SNX24: variants seen among roughly 807,000 people sequenced by gnomAD.
The protein encoded by SNX24 is sorting nexin-24.
In SNX24, 22 loss-of-function variants were observed where a neutral mutation model predicts 28.7. The ratio of observed to expected loss-of-function variants is 0.77; its 90% CI spans 0.55 to 1.10. The LOEUF is 1.10. Ranked by LOEUF, SNX24 falls within the 50% of genes least tolerant of loss-of-function variation. The probability of loss-of-function intolerance (pLI) is 0.00; values close to 1 mark genes in which losing one functional copy is unlikely to be tolerated. For synonymous variants in SNX24, 69 were observed against 71.5 expected (o/e 0.96, Z 0.18); for missense variants, 221 against 201.1 (o/e 1.10, Z -0.60).
At chr5:122,871,614 C>A (rs975836100) in intron 1 of SNX24, among the ~76,000 whole-genome samples, 4 of 151,972 alleles carry the variant, frequency 2.6e-5, no homozygotes, top group African/African-American at 9.7e-5. Flanking sequence ...ACTAAAAATA[C>A]AAAAAATTAG....
chr5:123,006,163 C>G lies in SNX24; in HGVS notation c.443-1519C>G, dbSNP rs1268526232. On this transcript the variant is annotated intron_variant, in intron 6 of 6. Coordinates refer to ENST00000261369, the MANE Select transcript of SNX24 (RefSeq NM_014035.4). The stretch of plus-strand genomic sequence containing the variant: ...CTCAATAAATATATGTTGAGGTAAA[C>G]TTGTCACCACATTCTATCACTTACT... Among the ~76,000 whole-genome samples the G allele has an allele frequency of 2.0e-5, 3 of 152,272 alleles. No homozygotes were observed. The East Asian group carries it at 5.8e-4, about 29-fold the overall frequency.
chr5:122,919,090 G>A (rs1041902778), intron 1 of SNX24, among the ~76,000 whole-genome samples: 12 of 152,114 alleles, frequency 7.9e-5, no homozygotes, highest in African/African-American at 1.2e-4. Context: ...AAGCTGTATC[G>A]AAAATTAGAA....
At chr5:122,885,246 G>T (rs1049783165) in intron 1 of SNX24, among the ~76,000 whole-genome samples, 5 of 152,048 alleles carry the variant, frequency 3.3e-5, no homozygotes, top group Non-Finnish European at 5.9e-5. Flanking sequence ...CTTCCTGCTT[G>T]CCTCCCTGCC....
rs556003196 is a variant in SNX24 at position 122,991,717 on chromosome 5, TC to T, written c.250-8192del. 1.4e-3 allele frequency among the ~76,000 whole-genome samples: 212 copies of T among 152,348 alleles called. 3 individuals are homozygous for T. Among genetic ancestry groups the T allele is most frequent in the Non-Finnish European group, 1.5e-3 (105 of 68,030 alleles). ...CTCAAGTGATCCACCCGCCTTGGCC[TC>T]CCAAAGTTCTGGGATTATAGGTGTG... On this transcript the variant is annotated intron_variant, in intron 3 of 6. Coordinates refer to ENST00000261369, the MANE Select transcript of SNX24 (RefSeq NM_014035.4).
intron 5 of SNX24, chr5:123,023,551 C>T: frequency 5.8e-6 from 1 of 173,194 alleles, no homozygotes; most frequent in Admixed American, 6.1e-5. Flanking sequence ...TCAGCATTAC[C>T]CAATATGGGG....
exon 6 of SNX24, chr5:123,029,301 A>C: frequency 6.2e-7 from 1 of 1,614,150 alleles, no homozygotes; most frequent in South Asian, 1.1e-5. Context: ...AAATTGAGAC[A>C]TACCTCTCCT....
chr5:122,880,772 G>A (rs1346920538), intron 1 of SNX24, among the ~76,000 whole-genome samples: 1 of 152,180 alleles, frequency 6.6e-6, no homozygotes, highest in Non-Finnish European at 1.5e-5. Context: ...ATTATTTGTA[G>A]CTTGTCAAGT....
chr5:122,986,328 G>A (rs751098393), intron 3 of SNX24, among the ~76,000 whole-genome samples: 1 of 152,202 alleles, frequency 6.6e-6, no homozygotes, highest in Non-Finnish European at 1.5e-5. Flanking sequence ...CACCTCATCA[G>A]CCTTAAGGTT....
intron 2 of SNX24, among the ~76,000 whole-genome samples, chr5:122,938,249 TTTC>T (rs1759267211): frequency 6.6e-6 from 1 of 152,136 alleles, no homozygotes; most frequent in African/African-American, 2.4e-5. Context: ...TAGAGTTTAT[TTTC>T]TTCTGCAGAG....
intron 6 of SNX24, among the ~76,000 whole-genome samples, chr5:123,003,396 A>G (rs185025639): frequency 6.6e-6 from 1 of 152,362 alleles, no homozygotes; most frequent in East Asian, 1.9e-4. Context: ...AGTTGATGTC[A>G]TGTTAAAATA....
chr5:122,982,731 G>C (rs1217844028), intron 3 of SNX24, among the ~76,000 whole-genome samples: 1 of 152,208 alleles, frequency 6.6e-6, no homozygotes, highest in African/African-American at 2.4e-5. Context: ...GGAGGGGTTT[G>C]CTTTGCTTTG....
At chr5:122,978,099 C>G (rs1761242463) in intron 3 of SNX24, among the ~76,000 whole-genome samples, 1 of 152,136 alleles carries the variant, frequency 6.6e-6, no homozygotes, top group East Asian at 1.9e-4. Flanking sequence ...TAGCATTACT[C>G]ATTTTCCCCA....
At chr5:123,006,838 A>G (rs1011407746) in intron 6 of SNX24, among the ~76,000 whole-genome samples, 4 of 152,172 alleles carry the variant, frequency 2.6e-5, no homozygotes, top group African/African-American at 9.7e-5. Context: ...AAATGATTTT[A>G]TTTACACAGT....
chr5:123,026,100 C>T (rs138119614), intron 5 of SNX24: 9,519 of 718,990 alleles, frequency 0.013, 121 homozygotes, highest in Middle Eastern at 0.057. Context: ...CATGTTCAAA[C>T]ATAAGCAGAC....
intron 2 of SNX24, among the ~76,000 whole-genome samples, chr5:122,940,960 C>T (rs552563097): frequency 3.3e-5 from 5 of 152,142 alleles, no homozygotes; most frequent in African/African-American, 9.7e-5. Flanking sequence ...TTCCTCGTCT[C>T]GTGGCCTCTT....
intron 3 of SNX24, among the ~76,000 whole-genome samples, chr5:122,992,771 G>C (rs989939203): frequency 9.2e-5 from 14 of 152,150 alleles, no homozygotes; most frequent in Admixed American, 9.2e-4. Flanking sequence ...ATATTTGTTG[G>C]GCTAACCATT....
intron 2 of SNX24, among the ~76,000 whole-genome samples, chr5:122,944,343 A>T (rs1759585695): frequency 6.6e-6 from 1 of 152,098 alleles, no homozygotes; most frequent in Non-Finnish European, 1.5e-5. Context: ...CATATTGGTA[A>T]CTCTGTCACC....
chr5:122,867,632 A>G (rs941061933), intron 1 of SNX24, among the ~76,000 whole-genome samples: 1 of 152,206 alleles, frequency 6.6e-6, no homozygotes, highest in African/African-American at 2.4e-5. Context: ...TTATGAGCCC[A>G]TTTGTGTGAT....
intron 1 of SNX24, among the ~76,000 whole-genome samples, chr5:122,848,826 C>G (rs1021002482): frequency 3.3e-5 from 5 of 152,214 alleles, no homozygotes; most frequent in African/African-American, 9.6e-5. Flanking sequence ...GTCTCATTCC[C>G]CCAGAAGTAA....
Sources: allele counts gnomAD v4.1 joint callset (sites outside exome capture counted in the v4.1 genomes callset), GRCh38; gene constraint gnomAD v4.1.1; transcripts MANE v1.5; gene names NCBI Gene and HGNC (gene_info 2026-07-23, HGNC 2026-07-21).